PHF24: variants seen among roughly 807,000 people sequenced by gnomAD.
The protein encoded by PHF24 is PHD finger protein 24.
Under a neutral mutation model 42.6 loss-of-function variants are expected in PHF24, and 25 were observed. The observed-to-expected ratio is 0.59, with a 90% CI of 0.43 to 0.82. The LOEUF is 0.82. Among genes scored for constraint, PHF24 ranks in the 40% least tolerant of loss-of-function variants. PHF24 has a pLI of 0.00. For synonymous variants in PHF24, 185 were observed against 204.8 expected, an observed-to-expected ratio of 0.90 and a Z score of 0.83; for missense variants, 470 against 538.1, an observed-to-expected ratio of 0.87 and a Z score of 1.25.
At chr9:34,728,436 G>A in the PHF24 span, among the ~76,000 whole-genome samples, 313 of 152,322 alleles carry the variant, frequency 2.1e-3, no homozygotes, top group Non-Finnish European at 3.3e-3. Context: ...TTGAGGTACA[G>A]GATTTTGGAA....
the PHF24 span, among the ~76,000 whole-genome samples, chr9:34,756,374 CAGGTGTG>C: frequency 6.6e-6 from 1 of 152,158 alleles, no homozygotes; most frequent in Non-Finnish European, 1.5e-5. Flanking sequence ...GCTGGGATTA[CAGGTGTG>C]AGCCACTGTG....
At chr9:34,715,494 C>T in the PHF24 span, among the ~76,000 whole-genome samples, 1 of 152,126 alleles carries the variant, frequency 6.6e-6, no homozygotes, top group East Asian at 1.9e-4. Context: ...GGATGCAGAG[C>T]TTGGGGAAGG....
chr9:34,938,659 G>A, the PHF24 span, among the ~76,000 whole-genome samples: 251 of 152,202 alleles, frequency 1.6e-3, no homozygotes, highest in African/African-American at 5.2e-3. Flanking sequence ...GCTGGGCGCA[G>A]TGGCTCACGC....
the PHF24 span, among the ~76,000 whole-genome samples, chr9:34,774,756 A>G: frequency 5.9e-5 from 9 of 152,170 alleles, no homozygotes; most frequent in Non-Finnish European, 1.2e-4. Context: ...CTAGGCGACA[A>G]GAGTGAGACT....
chr9:34,728,654 A>T, the PHF24 span: 1 of 1,551,538 alleles, frequency 6.4e-7, no homozygotes, highest in South Asian at 1.2e-5. Context: ...TTTTGGTGAC[A>T]CTTAGAAGAC....
At chr9:34,701,332 A>C in the PHF24 span, among the ~76,000 whole-genome samples, 5 of 152,102 alleles carry the variant, frequency 3.3e-5, no homozygotes. This position sits in a 1 kb window ranked among gnomAD's most constrained non-coding sequence, Gnocchi z 5.8. Context: ...TGTATGTCGC[A>C]TGCATGAATG....
chr9:34,729,378 A>G, the PHF24 span: 20 of 1,551,574 alleles, frequency 1.3e-5, no homozygotes, highest in African/African-American at 5.5e-5. Flanking sequence ...GGAGCCATAG[A>G]TGTATAAGGG....
At chr9:34,673,205 A>C in the PHF24 span, among the ~76,000 whole-genome samples, 2 of 152,012 alleles carry the variant, frequency 1.3e-5, no homozygotes, top group African/African-American at 4.8e-5. Flanking sequence ...AAAATACAAA[A>C]ATTAGCCAGT....
At chr9:34,842,143 C>T in the PHF24 span, among the ~76,000 whole-genome samples, 2 of 152,094 alleles carry the variant, frequency 1.3e-5, no homozygotes, top group Non-Finnish European at 2.9e-5. Context: ...TGAATATATT[C>T]ATGTTGTTTT....
At chr9:34,710,190 T>A in the PHF24 span, 1 of 733,580 alleles carries the variant, frequency 1.4e-6, no homozygotes, top group Non-Finnish European at 2.3e-6. Context: ...TCACTTCCCT[T>A]AACTTATCCC....
chr9:34,803,194 G>A, the PHF24 span, among the ~76,000 whole-genome samples: 1 of 152,158 alleles, frequency 6.6e-6, no homozygotes, highest in African/African-American at 2.4e-5. Flanking sequence ...CACGTTCCAG[G>A]TGGTGACCCA....
At chr9:34,790,752 T>C in the PHF24 span, among the ~76,000 whole-genome samples, 1 of 152,206 alleles carries the variant, frequency 6.6e-6, no homozygotes, top group Non-Finnish European at 1.5e-5. Context: ...GATTGCTGTT[T>C]AAGGAGTGGT....
the PHF24 span, among the ~76,000 whole-genome samples, chr9:34,865,309 T>C: frequency 6.8e-6 from 1 of 147,338 alleles, no homozygotes; most frequent in Non-Finnish European, 1.5e-5. Context: ...ATGCCTGCAA[T>C]CACAGTACTT....
At chr9:34,840,608 C>A in the PHF24 span, among the ~76,000 whole-genome samples, 1 of 151,920 alleles carries the variant, frequency 6.6e-6, no homozygotes, top group Non-Finnish European at 1.5e-5. Context: ...TAGCTCACTG[C>A]AGCCTCTAAC....
the PHF24 span, among the ~76,000 whole-genome samples, chr9:34,908,837 CTTTTCTTTTTTTTTTT>C: frequency 7.2e-6 from 1 of 139,790 alleles, no homozygotes; most frequent in African/African-American, 2.6e-5. Flanking sequence ...CTTTTCTTTT[CTTTTCTTTTTTTTTTT>C]TTTTCTTTTT....
At chr9:34,853,934 T>G in the PHF24 span, among the ~76,000 whole-genome samples, 3 of 152,190 alleles carry the variant, frequency 2.0e-5, no homozygotes, top group Admixed American at 2.0e-4. Flanking sequence ...CTAGGCTATT[T>G]GTTACTGCCT....
chr9:34,968,142 G>T (rs922501455), intron 1 of PHF24, among the ~76,000 whole-genome samples: 1 of 152,106 alleles, frequency 6.6e-6, no homozygotes, highest in African/African-American at 2.4e-5. Flanking sequence ...TTGTTAATAT[G>T]TTTGCATATT....
the PHF24 span, chr9:34,918,051 G>C: frequency 7.5e-7 from 1 of 1,335,616 alleles, no homozygotes; most frequent in East Asian, 2.3e-5. Context: ...TCCCAAAGGA[G>C]GCCTGGACAA....
the PHF24 span, among the ~76,000 whole-genome samples, chr9:34,805,266 CT>C: frequency 6.6e-6 from 1 of 152,176 alleles, no homozygotes; most frequent in Admixed American, 6.5e-5. Context: ...CCGTTTAACC[CT>C]TTGAGGAGCT....
Sources: gnomAD v4.1 joint callset for allele counts (sites outside exome capture counted in the v4.1 genomes callset) on GRCh38, gnomAD v4.1.1 for gene constraint, Gnocchi (gnomAD v3.1) non-coding constraint, MANE v1.5 for transcripts, NCBI Gene and HGNC (gene_info 2026-07-23, HGNC 2026-07-21) for gene names.